SERTM1: variants seen among roughly 807,000 people sequenced by gnomAD.
SERTM1 encodes serine rich and transmembrane domain containing 1.
A neutral mutation model predicts 5.5 loss-of-function variants in SERTM1; 1 was observed. The ratio of observed to expected loss-of-function variants is 0.18; its 90% CI spans 0.06 to 0.86. SERTM1 has a LOEUF of 0.86. Among genes scored for constraint, SERTM1 ranks in the 40% least tolerant of loss-of-function variants. The pLI is 0.69. For missense variants in SERTM1, 91 were observed against 122.4 expected (o/e 0.74, Z 1.21); for synonymous variants, 52 against 55.1 (o/e 0.94, Z 0.25).
intron 1 of SERTM1, among the ~76,000 whole-genome samples, chr13:36,690,720 G>A (rs1287593466): frequency 1.3e-5 from 2 of 152,166 alleles, no homozygotes; most frequent in Admixed American, 1.3e-4. Context: ...GTTCTACAGA[G>A]GAAAAGATCT....
At chr13:36,674,487 C>G (rs1226609080) in intron 1 of SERTM1, among the ~76,000 whole-genome samples, 2 of 152,124 alleles carry the variant, frequency 1.3e-5, no homozygotes, top group Non-Finnish European at 2.9e-5. Flanking sequence ...TCCTTGGCCC[C>G]GTGTTGACCT....
chr13:36,681,756 C>G (rs1292885211), intron 1 of SERTM1, among the ~76,000 whole-genome samples: 1 of 152,176 alleles, frequency 6.6e-6, no homozygotes, highest in African/African-American at 2.4e-5. Flanking sequence ...CATATTCAGC[C>G]AGAGCTTCAT....
At chr13:36,687,949 A>G (rs1208488219) in intron 1 of SERTM1, among the ~76,000 whole-genome samples, 1 of 151,954 alleles carries the variant, frequency 6.6e-6, no homozygotes, top group Non-Finnish European at 1.5e-5. Context: ...GTTTACATGC[A>G]AAGGATTAAA....
rs2056816547 is a variant in SERTM1 at position 36,696,717 on chromosome 13, C to T, written c.*1315C>T. 1 of 166,864 alleles carries T rather than the reference C, an allele frequency of 6.0e-6. No individual in the cohort carries two copies. The highest frequency in any genetic ancestry group is 1.5e-5 in the Non-Finnish European group (1 of 68,100). The allele number at this position is 166,864 out of a possible 1,614,324, so 10.3% of individuals were successfully genotyped here. A position where few individuals can be genotyped will look rare whatever the true frequency, so the allele number is the denominator to read the frequency against. On this transcript the variant is annotated 3_prime_UTR_variant, in exon 2 of 2. Transcript: ENST00000315190. Reference sequence around the variant, plus strand: ...AAAACAAAACAATCAAACTGCAGCTCCTTAAGAGTAAGAATTTTAATTTAA... The same window carrying T: ...AAAACAAAACAATCAAACTGCAGCTTCTTAAGAGTAAGAATTTTAATTTAA...
chr13:36,678,638 C>A (rs1417887441), intron 1 of SERTM1, among the ~76,000 whole-genome samples: 1 of 141,648 alleles, frequency 7.1e-6, no homozygotes, highest in Admixed American at 7.2e-5. Flanking sequence ...CAAACCTACA[C>A]GTCCTGCACA....
intron 1 of SERTM1, among the ~76,000 whole-genome samples, chr13:36,683,477 A>G (rs987299091): frequency 1.3e-5 from 2 of 152,174 alleles, no homozygotes; most frequent in African/African-American, 4.8e-5. Flanking sequence ...TAGTTAGTAG[A>G]AGGAGAATGA....
intron 1 of SERTM1, among the ~76,000 whole-genome samples, chr13:36,683,502 A>G (rs1391834178): frequency 6.6e-6 from 1 of 152,184 alleles, no homozygotes; most frequent in Non-Finnish European, 1.5e-5. Context: ...ACAGTAACAA[A>G]TAAGCCCCAA....
chr13:36,697,143 T>G lies in SERTM1; in HGVS notation c.*1741T>G, dbSNP rs2056819798. On this transcript the variant is annotated 3_prime_UTR_variant, in exon 2 of 2. Transcript: ENST00000315190. ...CACAGAGTTGCTGCCCTAAAATGTATAATTAGTGAAAAATTTACCTCTGCT... is the reference window on the plus strand; with the variant it reads ...CACAGAGTTGCTGCCCTAAAATGTAGAATTAGTGAAAAATTTACCTCTGCT... 6.0e-6 allele frequency: 1 copy of G among 166,920 alleles called. No individual in the cohort carries two copies. Among genetic ancestry groups the G allele is most frequent in the Non-Finnish European group, 1.5e-5 (1 of 68,094 alleles). 10.3% of individuals were successfully genotyped at this position (166,920 alleles called of 1,614,324 possible). A position where few individuals can be genotyped will look rare whatever the true frequency, so the allele number is the denominator to read the frequency against.
intron 1 of SERTM1, among the ~76,000 whole-genome samples, chr13:36,676,160 TTTTC>T (rs2056668828): frequency 6.6e-6 from 1 of 152,160 alleles, no homozygotes; most frequent in Non-Finnish European, 1.5e-5. Context: ...CTGGGTTTCT[TTTTC>T]TTTTTTCTTG....
intron 1 of SERTM1, among the ~76,000 whole-genome samples, chr13:36,674,593 G>T (rs770329280): frequency 6.6e-6 from 1 of 152,130 alleles, no homozygotes; most frequent in Non-Finnish European, 1.5e-5. Flanking sequence ...ACTTTGCAGA[G>T]TGTGTCTAGG....
intron 1 of SERTM1, among the ~76,000 whole-genome samples, chr13:36,676,830 A>G (rs1403553150): frequency 3.3e-5 from 5 of 152,228 alleles, no homozygotes; most frequent in East Asian, 1.9e-4. Flanking sequence ...AAGGCTTTAA[A>G]TTAGTTAATG....
At chr13:36,686,326 C>T (rs773560159) in intron 1 of SERTM1, among the ~76,000 whole-genome samples, 1 of 152,216 alleles carries the variant, frequency 6.6e-6, no homozygotes, top group East Asian at 1.9e-4. Flanking sequence ...TGGCTTCTAT[C>T]ATTGTATTTC....
chr13:36,694,335 T>C (rs1443850777), intron 1 of SERTM1, among the ~76,000 whole-genome samples: 2 of 152,224 alleles, frequency 1.3e-5, no homozygotes, highest in African/African-American at 4.8e-5. Context: ...GCCTAAAGCA[T>C]GTAAAACAAA....
At chr13:36,679,490 A>G (rs1396986440) in intron 1 of SERTM1, among the ~76,000 whole-genome samples, 1 of 152,064 alleles carries the variant, frequency 6.6e-6, no homozygotes, top group Non-Finnish European at 1.5e-5. Context: ...TCACTGCAAC[A>G]CCTGTCTCCC....
rs17054334 is a variant in SERTM1 at position 36,688,600 on chromosome 13, T to C, written c.-173-6306T>C. 2.6e-3 allele frequency among the ~76,000 whole-genome samples: 389 copies of C among 152,292 alleles called. 7 individuals are homozygous for C. The East Asian group carries it at 0.055, about 22-fold the overall frequency. The stretch of plus-strand genomic sequence containing the variant: ...ATGCCATGATTTAACCAATTTTAGC[T>C]GATCTGAGATTAAAAGATGTTTCTC... On this transcript the variant is annotated intron_variant, in intron 1 of 1. Transcript: ENST00000315190.
chr13:36,695,508 C>A lies in SERTM1; in HGVS notation c.*106C>A. 1.3e-6 allele frequency: 1 copy of A among 770,028 alleles called. No individual in the cohort carries two copies. Among genetic ancestry groups the A allele is most frequent in the Non-Finnish European group, 2.1e-6 (1 of 465,188 alleles). 47.7% of individuals were successfully genotyped at this position (770,028 alleles called of 1,614,324 possible). A position where few individuals can be genotyped will look rare whatever the true frequency, so the allele number is the denominator to read the frequency against. On this transcript the variant is annotated 3_prime_UTR_variant, in exon 2 of 2. Coordinates refer to ENST00000315190, the MANE Select transcript of SERTM1 (RefSeq NM_203451.3). ...AAGAAATGATCCTTTTGGTGTAGAC[C>A]TGCTTCTCCTTCTCCTTTTTCTCTG...
intron 1 of SERTM1, among the ~76,000 whole-genome samples, chr13:36,692,876 G>C (rs2056788317): frequency 6.6e-6 from 1 of 152,206 alleles, no homozygotes; most frequent in Non-Finnish European, 1.5e-5. Context: ...TATGTACCCT[G>C]AGTAAATCGC....
In SERTM1 at chr13:36,695,185, G is replaced by A; in HGVS notation, c.107G>A (p.Gly36Asp). 6.2e-7 allele frequency: 1 copy of A among 1,614,146 alleles called. No homozygotes were observed. The highest frequency in any genetic ancestry group is 8.5e-7 in the Non-Finnish European group (1 of 1,179,994). Residue 36 changes from glycine (G) to aspartate (D), a missense_variant, in exon 2 of 2, where the codon GGC (glycine) becomes GAC (aspartate). By Grantham distance (94) the Gly-to-Asp change is moderately conservative. Transcript: ENST00000315190. ...TCCACGTCAGTGGACCCATCCTCAG[G>A]CCACCTGTCAAACGTCTACATCTAT... ...SLSTSVDPSS[G>D]HLSNVYIYVS... is the part of the protein sequence containing the mutation.
chr13:36,688,921 G>A (rs1429413611), intron 1 of SERTM1, among the ~76,000 whole-genome samples: 1 of 152,090 alleles, frequency 6.6e-6, no homozygotes, highest in Non-Finnish European at 1.5e-5. Flanking sequence ...CAACCCGCAG[G>A]TTACTCCTTT....
Sources: gnomAD v4.1 joint callset for allele counts (sites outside exome capture counted in the v4.1 genomes callset) on GRCh38, gnomAD v4.1.1 for gene constraint, MANE v1.5 for transcripts, NCBI Gene and HGNC (gene_info 2026-07-23, HGNC 2026-07-21) for gene names.